GMIP: variants seen among roughly 807,000 people sequenced by gnomAD.
GMIP encodes GEM-interacting protein.
Under a neutral mutation model 105.3 loss-of-function variants are expected in GMIP, and 54 were observed. The observed-to-expected ratio is 0.51, with a 90% CI of 0.41 to 0.64. The LOEUF (loss-of-function observed/expected upper bound fraction) is 0.64. Among genes scored for constraint, GMIP ranks in the 30% least tolerant of loss-of-function variants. The pLI is 0.00. For synonymous variants in GMIP, 541 were observed against 560.8 expected (o/e 0.96, Z 0.50); for missense variants, 1,110 against 1,319.4 (o/e 0.84, Z 2.46).
chr19:19,635,031 A>G lies in GMIP; in HGVS notation c.1743T>C (p.Asp581=), dbSNP rs776249830. 6 of 1,613,744 alleles carry G rather than the reference A, an allele frequency of 3.7e-6. No homozygotes were observed. The South Asian group carries it at 5.5e-5, about 15-fold the overall frequency. Residue 581 remains aspartate (D), a synonymous_variant, in exon 16 of 21, where the codon GAT becomes GAC. Transcript: ENST00000203556. The surrounding 1 kb of genome is among the most constrained non-coding windows in gnomAD (Gnocchi z 4.7). ...TGAAGGGTCAGGGCAGCACCTGCACATCCAGGGCACGGTGTTCTATCTCAG... is the reference window on the plus strand; with the variant it reads ...TGAAGGGTCAGGGCAGCACCTGCACGTCCAGGGCACGGTGTTCTATCTCAG... The part of the protein sequence containing the change: ...CTAEIEHRAL[D]VQGIYRVSGS...
chr19:19,634,493 G>C lies in GMIP; in HGVS notation c.2084+14C>G. The C allele has an allele frequency of 6.3e-6, 10 of 1,590,346 alleles. No homozygotes were observed. The highest frequency in any genetic ancestry group is 8.5e-6 in the Non-Finnish European group (10 of 1,172,440). On this transcript the variant is annotated intron_variant, in intron 18 of 20. Coordinates refer to ENST00000203556, the MANE Select transcript of GMIP (RefSeq NM_016573.4). The surrounding 1 kb of genome is among the most constrained non-coding windows in gnomAD (Gnocchi z 6.1). Reference sequence around the variant, plus strand: ...AAAAGGGTCGCGTTTCAAGGCTCAGGGACCCATGCACACCTGAACAGATGG... The same window carrying C: ...AAAAGGGTCGCGTTTCAAGGCTCAGCGACCCATGCACACCTGAACAGATGG...
chr19:19,632,459 G>A (rs1309326631), intron 19 of GMIP, among the ~76,000 whole-genome samples: 1 of 151,986 alleles, frequency 6.6e-6, no homozygotes, highest in African/African-American at 2.4e-5. Flanking sequence ...GCTTGAACCC[G>A]GGAGGCGGAG....
chr19:19,634,184 A>G lies in GMIP; in HGVS notation c.2091T>C (p.Ala697=). The G allele has an allele frequency of 6.3e-7, 1 of 1,596,180 alleles. No homozygotes were observed. The highest frequency in any genetic ancestry group is 8.6e-7 in the Non-Finnish European group (1 of 1,169,302). The change falls in exon 19 of 21, where the codon GCT becomes GCC. Residue 697 remains alanine (A), a synonymous_variant. Transcript: ENST00000203556. The surrounding 1 kb of genome is among the most constrained non-coding windows in gnomAD (Gnocchi z 6.1). ...ACATCTTGTTTTCCATAAATCGTGCAGCCACCCTGGGGATGGTGTGAAGAG... is the reference window on the plus strand; with the variant it reads ...ACATCTTGTTTTCCATAAATCGTGCGGCCACCCTGGGGATGGTGTGAAGAG... ...RHLVAHLFRV[A]ARFMENKMSA...
In GMIP at chr19:19,633,995, A is replaced by T; in HGVS notation, c.2280T>A (p.Asp760Glu). 1 of 1,606,028 alleles carries T rather than the reference A, an allele frequency of 6.2e-7. No individual in the cohort carries two copies. Among genetic ancestry groups the T allele is most frequent in the South Asian group, 1.1e-5 (1 of 90,866 alleles). Residue 760 changes from aspartate (D) to glutamate (E), a missense_variant, in exon 19 of 21, where the codon GAT becomes GAA. Transcript: ENST00000203556. ...GGGGCTCAGTGGCCTGGGGGAGCTC[A>T]TCCATCCCAAAGATCTGCTCGTAGT... ...IVHYEQIFGM[D>E]ELPQATEPPP...
At position 19,637,626 on chromosome 19, in the gene GMIP, C is replaced by A; in HGVS notation, c.928-65G>T. ...TGGGAGCCTGGGGGCAGGGCCAGAG[C>A]TGGGGCGGGGCTTGAGAGACGCGAA... On this transcript the variant is annotated intron_variant, in intron 10 of 20. Transcript: ENST00000203556. This position sits in a 1 kb window ranked among gnomAD's most constrained non-coding sequence, Gnocchi z 6.7. The A allele has an allele frequency of 7.7e-7, 1 of 1,301,776 alleles. No homozygotes were observed. The allele number at this position is 1,301,776 out of a possible 1,614,324, so 80.6% of individuals were successfully genotyped here. A position where few individuals can be genotyped will look rare whatever the true frequency, so the allele number is the denominator to read the frequency against.
rs2061864250 is a variant in GMIP at position 19,637,223 on chromosome 19, C to T, written c.1124+142G>A. ...CTAGGACTGGGACAACCCATTCACCCTCCTATGGCCCCCGAGAGCCTGGAG... is the reference window on the plus strand; with the variant it reads ...CTAGGACTGGGACAACCCATTCACCTTCCTATGGCCCCCGAGAGCCTGGAG... On this transcript the variant is annotated intron_variant, in intron 11 of 20. Coordinates refer to ENST00000203556, the MANE Select transcript of GMIP (RefSeq NM_016573.4). This position sits in a 1 kb window ranked among gnomAD's most constrained non-coding sequence, Gnocchi z 6.7. 1 of 685,812 alleles carries T rather than the reference C, an allele frequency of 1.5e-6. No individual in the cohort carries two copies. The highest frequency in any genetic ancestry group is 2.8e-5 in the East Asian group (1 of 35,916). 42.5% of individuals were successfully genotyped at this position (685,812 alleles called of 1,614,324 possible).
At chr19:19,636,563 TA>T in intron 13 of GMIP, 143 bp downstream of exon 13, 2 of 649,818 alleles carry the variant, frequency 3.1e-6, no homozygotes, top group Non-Finnish European at 5.5e-6. Flanking sequence ...TTTAAAAAGG[TA>T]AAAAAAGAGG....
chr19:19,635,415 C>T lies in GMIP; in HGVS notation c.1560G>A (p.Glu520=). The stretch of plus-strand genomic sequence containing the variant: ...ATTTGGTCATTAACCCAGGCCACAC[C>T]TCCTCACACTCCGTCCCGCTGACCA... ...AFMVSGTECE[E]CFLTCHKRCL... Residue 520 remains glutamate, a splice_region_variant and synonymous_variant, in exon 15 of 21, where the codon GAG becomes GAA. Coordinates refer to ENST00000203556, the MANE Select transcript of GMIP (RefSeq NM_016573.4). The surrounding 1 kb of genome is among the most constrained non-coding windows in gnomAD (Gnocchi z 4.7). The T allele has an allele frequency of 6.2e-7, 1 of 1,608,830 alleles. No homozygotes were observed. Among genetic ancestry groups the T allele is most frequent in the Non-Finnish European group, 8.5e-7 (1 of 1,179,412 alleles).
chr19:19,637,339 C>T lies in GMIP; in HGVS notation c.1124+26G>A, dbSNP rs1403267965. On this transcript the variant is annotated intron_variant, in intron 11 of 20. Coordinates refer to ENST00000203556, the MANE Select transcript of GMIP (RefSeq NM_016573.4). The surrounding 1 kb of genome is among the most constrained non-coding windows in gnomAD (Gnocchi z 6.7). ...TGGCATCGCGATTCCGGGGCTCGTT[C>T]CCGACTCCCTGCTCCAGTGACCCAC... 6.9e-7 allele frequency: 1 copy of T among 1,443,616 alleles called. No individual in the cohort carries two copies. The highest frequency in any genetic ancestry group is 9.3e-7 in the Non-Finnish European group (1 of 1,080,094). The allele number at this position is 1,443,616 out of a possible 1,614,324, so 89.4% of individuals were successfully genotyped here. A position where few individuals can be genotyped will look rare whatever the true frequency, so the allele number is the denominator to read the frequency against.
rs1033378860 is a variant in GMIP, at chr19:19,630,594, T to A, written c.2473-57A>T. ...ACACTAAAATCCCAGTTCTTTGAGA[T>A]TCCTGGAGAGCCAAGGGCTTGTTCC... On this transcript the variant is annotated intron_variant, in intron 19 of 20. Coordinates refer to ENST00000203556, the MANE Select transcript of GMIP (RefSeq NM_016573.4). This position sits in a 1 kb window ranked among gnomAD's most constrained non-coding sequence, Gnocchi z 4.8. The A allele has an allele frequency of 2.7e-6, 4 of 1,464,828 alleles. No homozygotes were observed. The African/African-American group carries it at 5.6e-5, about 20-fold the overall frequency. 90.7% of individuals were successfully genotyped at this position (1,464,828 alleles called of 1,614,324 possible). A position where few individuals can be genotyped will look rare whatever the true frequency, so the allele number is the denominator to read the frequency against.
rs764419619 is a variant in GMIP, at chr19:19,630,093, G to A, written c.2783C>T (p.Thr928Ile). The change falls in exon 21 of 21, where the codon ACC (threonine) becomes ATC (isoleucine). Residue 928 changes from threonine (T) to isoleucine (I), a missense_variant. Physicochemically the swap from Thr to Ile is moderately conservative, Grantham distance 89. This residue lies in a region of GMIP where 394 missense variants were observed against 450.5 expected (regional missense o/e 0.87). Coordinates refer to ENST00000203556, the MANE Select transcript of GMIP (RefSeq NM_016573.4). The surrounding 1 kb of genome is among the most constrained non-coding windows in gnomAD (Gnocchi z 4.8). The part of the protein sequence containing the change: ...ASPEGSPLRR[T>I]PLPKHFEITQ... ...AATCTCAAAATGCTTGGGCAGCGGG[G>A]TGCGGCGCAGGGGGCTGCCCTCAGG... 5 of 1,610,998 alleles carry A rather than the reference G, an allele frequency of 3.1e-6. No individual in the cohort carries two copies. Among genetic ancestry groups the A allele is most frequent in the South Asian group, 2.2e-5 (2 of 90,658 alleles).
At chr19:19,641,952 C>T in intron 3 of GMIP, 24 bp downstream of exon 3, 1 of 1,606,492 alleles carries the variant, frequency 6.2e-7, no homozygotes, top group Non-Finnish European at 8.5e-7. Flanking sequence ...GGTCTTCCTC[C>T]CTGTTCCCCT....
At position 19,630,496 on chromosome 19, in the gene GMIP, T is replaced by C. The variant is rs1227123218; in HGVS notation, c.2514A>G (p.Glu838=). 6.2e-7 allele frequency: 1 copy of C among 1,614,108 alleles called. No homozygotes were observed. Among genetic ancestry groups the C allele is most frequent in the Admixed American group, 1.7e-5 (1 of 60,010 alleles). ...PQSDQREDVA[E]DTKDGGGEVS... ...CTTCCCCTCCCCCATCTTTGGTGTC[T>C]TCAGCCACGTCCTCTCTCTGGTCAC... The change falls in exon 20 of 21, where the codon GAA becomes GAG. Residue 838 remains glutamate, a synonymous_variant. Transcript: ENST00000203556. This position sits in a 1 kb window ranked among gnomAD's most constrained non-coding sequence, Gnocchi z 4.8.
In GMIP at chr19:19,630,834, C is replaced by A. The variant is rs2061787860; in HGVS notation, c.2473-297G>T. On this transcript the variant is annotated intron_variant, in intron 19 of 20. Coordinates refer to ENST00000203556, the MANE Select transcript of GMIP (RefSeq NM_016573.4). The surrounding 1 kb of genome is among the most constrained non-coding windows in gnomAD (Gnocchi z 4.8). ...CATTGAACTCCTCCTATGCACAGGG[C>A]ATGGACCACCACTGACTGTGCACCT... is the stretch of plus-strand genomic sequence containing the variant. Among the ~76,000 whole-genome samples, 1 of 152,192 alleles carries A rather than the reference C, an allele frequency of 6.6e-6. No homozygotes were observed. The highest frequency in any genetic ancestry group is 1.5e-5 in the Non-Finnish European group (1 of 68,028).
chr19:19,635,118 G>A lies in GMIP; in HGVS notation c.1656C>T (p.Asp552=). 6.2e-7 allele frequency: 1 copy of A among 1,614,032 alleles called. No homozygotes were observed. Among genetic ancestry groups the A allele is most frequent in the African/African-American group, 1.3e-5 (1 of 75,042 alleles). The part of the protein sequence containing the change: ...LPARTPLFGV[D]FLQLPRDFPE... ...GGAAGTCCCTGGGTAGCTGCAGGAAGTCAACCCCAAAAAGGGGTGTCCGGG... is the reference window on the plus strand; with the variant it reads ...GGAAGTCCCTGGGTAGCTGCAGGAAATCAACCCCAAAAAGGGGTGTCCGGG... Residue 552 remains aspartate, a synonymous_variant, in exon 16 of 21, where the codon GAC becomes GAT. Coordinates refer to ENST00000203556, the MANE Select transcript of GMIP (RefSeq NM_016573.4). The surrounding 1 kb of genome is among the most constrained non-coding windows in gnomAD (Gnocchi z 4.7).
rs2061785170 is a variant in GMIP at position 19,630,558 on chromosome 19, A to T, written c.2473-21T>A. Reference sequence around the variant, plus strand: ...GGAATCTGCAGGGAGAAACCCAAGAATGAGACCCCAACACTAAAATCCCAG... The same window carrying T: ...GGAATCTGCAGGGAGAAACCCAAGATTGAGACCCCAACACTAAAATCCCAG... On this transcript the variant is annotated intron_variant, in intron 19 of 20. Coordinates refer to ENST00000203556, the MANE Select transcript of GMIP (RefSeq NM_016573.4). The surrounding 1 kb of genome is among the most constrained non-coding windows in gnomAD (Gnocchi z 4.8). 1 of 1,597,302 alleles carries T rather than the reference A, an allele frequency of 6.3e-7. No homozygotes were observed. The highest frequency in any genetic ancestry group is 2.2e-5 in the East Asian group (1 of 44,808).
intron 1 of GMIP, 34 bp downstream of exon 1, chr19:19,643,476 CG>C: frequency 6.5e-7 from 1 of 1,531,596 alleles, no homozygotes; most frequent in Non-Finnish European, 8.8e-7. Flanking sequence ...AGGGGATGGT[CG>C]GGGGAGGCCC....
In GMIP at chr19:19,634,708, G is replaced by C. The variant is rs780637921; in HGVS notation, c.1888-5C>G. The stretch of plus-strand genomic sequence containing the variant: ...GGGGATCACGGGCTCGGTGAGCTGG[G>C]GGTGGAACGGAGGGCGCAACACGAG... On this transcript the variant is annotated splice_polypyrimidine_tract_variant and splice_region_variant and intron_variant, in intron 17 of 20. Transcript: ENST00000203556. The surrounding 1 kb of genome is among the most constrained non-coding windows in gnomAD (Gnocchi z 6.1). 1.2e-6 allele frequency: 2 copies of C among 1,608,630 alleles called. No homozygotes were observed. Among genetic ancestry groups the C allele is most frequent in the East Asian group, 2.2e-5 (1 of 44,742 alleles).
In GMIP at chr19:19,635,718, G is replaced by A; in HGVS notation, c.1331C>T (p.Ala444Val). The A allele has an allele frequency of 6.2e-7, 1 of 1,613,904 alleles. No homozygotes were observed. Among genetic ancestry groups the A allele is most frequent in the Non-Finnish European group, 8.5e-7 (1 of 1,179,798 alleles). Residue 444 changes from alanine (A) to valine (V), a missense_variant, in exon 14 of 21, where the codon GCT becomes GTT. By Grantham distance (64) the Ala-to-Val change is moderately conservative. Around this residue, in one of 3 missense-constraint regions of GMIP, gnomAD observed 667 missense variants for 773.2 expected, o/e 0.86. Coordinates refer to ENST00000203556, the MANE Select transcript of GMIP (RefSeq NM_016573.4). The surrounding 1 kb of genome is among the most constrained non-coding windows in gnomAD (Gnocchi z 4.7). ...AGCCTTCACCAGCTGCCTCGTGCCA[G>A]CGCCTGGGGTCAGAGGAATCATGGG... ...SLDSPTSSPGAGTRQLVKASS... is the reference protein window; with the variant it reads ...SLDSPTSSPGVGTRQLVKASS...
Sources: allele counts gnomAD v4.1 joint callset (sites outside exome capture counted in the v4.1 genomes callset), GRCh38; gene constraint gnomAD v4.1.1; regional missense constraint gnomAD v4.1.1; non-coding constraint Gnocchi (gnomAD v3.1); transcripts MANE v1.5; gene names NCBI Gene and HGNC (gene_info 2026-07-23, HGNC 2026-07-21).